Variants in PLCXD3 observed in about 807,000 individuals in gnomAD.
The protein encoded by PLCXD3 is PI-PLC X domain-containing protein 3.
PLCXD3 carries 19 observed loss-of-function variants against 25.5 expected under a neutral mutation model. The ratio of observed to expected loss-of-function variants is 0.75; its 90% CI spans 0.52 to 1.09. PLCXD3 has a LOEUF of 1.09. Ranked by LOEUF, PLCXD3 falls within the 50% of genes least tolerant of loss-of-function variation. The pLI is 0.00. For synonymous variants in PLCXD3, 174 were observed against 137.6 expected, an observed-to-expected ratio of 1.26 and a Z score of -1.85; for missense variants, 411 against 388.1, an observed-to-expected ratio of 1.06 and a Z score of -0.50.
chr5:41,341,748 A>G (rs1744154964), intron 2 of PLCXD3, among the ~76,000 whole-genome samples: 2 of 152,116 alleles, frequency 1.3e-5, no homozygotes, highest in South Asian at 2.1e-4. Flanking sequence ...TTATTTTTAC[A>G]TCTCTTGGAA....
At chr5:41,336,260 G>A (rs1490793977) in intron 2 of PLCXD3, among the ~76,000 whole-genome samples, 1 of 152,122 alleles carries the variant, frequency 6.6e-6, no homozygotes, top group Non-Finnish European at 1.5e-5. Flanking sequence ...GGATAAGAGT[G>A]AAGACTTTGG....
chr5:41,350,123 T>C (rs935913908), intron 2 of PLCXD3, among the ~76,000 whole-genome samples: 2 of 152,156 alleles, frequency 1.3e-5, no homozygotes, highest in African/African-American at 4.8e-5. Context: ...GACCATAATA[T>C]GCACACAGCT....
At chr5:41,450,024 GC>G (rs1033030487) in intron 1 of PLCXD3, among the ~76,000 whole-genome samples, 1 of 151,880 alleles carries the variant, frequency 6.6e-6, no homozygotes, top group African/African-American at 2.4e-5. Flanking sequence ...CAAGAGAACA[GC>G]AATACAGTAA....
At chr5:41,342,870 G>A (rs914006157) in intron 2 of PLCXD3, among the ~76,000 whole-genome samples, 1 of 152,020 alleles carries the variant, frequency 6.6e-6, no homozygotes, top group Non-Finnish European at 1.5e-5. Context: ...TATAAACAAT[G>A]ATGCCTCCTT....
chr5:41,378,179 A>G (rs1421292415), intron 2 of PLCXD3, among the ~76,000 whole-genome samples: 1 of 152,140 alleles, frequency 6.6e-6, no homozygotes, highest in Non-Finnish European at 1.5e-5. Context: ...TTTGCAAGGC[A>G]TGACCCCAGA....
chr5:41,382,896 T>G (rs1279051119), intron 1 of PLCXD3, among the ~76,000 whole-genome samples: 1 of 152,118 alleles, frequency 6.6e-6, no homozygotes, highest in African/African-American at 2.4e-5. Context: ...GACTCACCAA[T>G]ACCCAAATAC....
intron 1 of PLCXD3, among the ~76,000 whole-genome samples, chr5:41,416,500 A>C (rs1746698001): frequency 6.6e-6 from 1 of 152,178 alleles, no homozygotes; most frequent in Non-Finnish European, 1.5e-5. Context: ...CAGATCCCGG[A>C]ACTGTACTCA....
intron 1 of PLCXD3, among the ~76,000 whole-genome samples, chr5:41,390,571 T>C (rs1459719895): frequency 6.6e-6 from 1 of 152,308 alleles, no homozygotes; most frequent in East Asian, 1.9e-4. Context: ...TGGTATCTCA[T>C]AGTGGTTTTA....
chr5:41,490,608 C>T lies in PLCXD3; in HGVS notation c.103+19816G>A, dbSNP rs886751497. 3.2e-4 allele frequency among the ~76,000 whole-genome samples: 48 copies of T among 152,328 alleles called. 1 individual carries two copies. The highest frequency in any genetic ancestry group is 1.1e-3 in the African/African-American group (47 of 41,580). On this transcript the variant is annotated intron_variant, in intron 1 of 2. Transcript: ENST00000377801. The stretch of plus-strand genomic sequence containing the variant: ...AAGCTATTGATTATTGCCACAATTT[C>T]AGATCCTGTTATTGGTCTATTCAGA...
At chr5:41,328,408 C>T (rs1471544097) in intron 2 of PLCXD3, among the ~76,000 whole-genome samples, 1 of 152,084 alleles carries the variant, frequency 6.6e-6, no homozygotes, top group African/African-American at 2.4e-5. Flanking sequence ...ATTCCAAAGA[C>T]AGAAAAGAGG....
intron 1 of PLCXD3, among the ~76,000 whole-genome samples, chr5:41,411,961 T>G (rs1384403330): frequency 9.1e-5 from 2 of 21,948 alleles, no homozygotes; most frequent in Non-Finnish European, 1.5e-4. Context: ...TATGTATCCA[T>G]ATATATATAT....
At chr5:41,493,463 G>T (rs2150526416) in intron 1 of PLCXD3, among the ~76,000 whole-genome samples, 1 of 152,358 alleles carries the variant, frequency 6.6e-6, no homozygotes, top group Admixed American at 6.5e-5. Context: ...TCTCTTCAAA[G>T]CTGTCAGACA....
intron 1 of PLCXD3, among the ~76,000 whole-genome samples, chr5:41,474,301 A>T (rs867862951): frequency 1.3e-4 from 20 of 152,284 alleles, no homozygotes; most frequent in Middle Eastern, 6.8e-3. Flanking sequence ...GATGTACCTA[A>T]TCACAAGAAA....
chr5:41,457,690 T>C (rs948312034), intron 1 of PLCXD3, among the ~76,000 whole-genome samples: 1 of 151,934 alleles, frequency 6.6e-6, no homozygotes, highest in Non-Finnish European at 1.5e-5. Flanking sequence ...CCCTTTCACC[T>C]GCTTTGTTTT....
chr5:41,509,207 A>AG (rs1738969417), intron 1 of PLCXD3, among the ~76,000 whole-genome samples: 1 of 151,958 alleles, frequency 6.6e-6, no homozygotes, highest in South Asian at 2.1e-4. Flanking sequence ...AACAGCTGAG[A>AG]GGGGGCGCTG....
intron 1 of PLCXD3, among the ~76,000 whole-genome samples, chr5:41,410,145 T>C (rs1746474825): frequency 6.7e-6 from 1 of 149,024 alleles, no homozygotes. Flanking sequence ...ATTTATCTTT[T>C]TTTTTTTTTT....
In PLCXD3 at chr5:41,492,947, C is replaced by G. The variant is rs536463052; in HGVS notation, c.103+17477G>C. The stretch of plus-strand genomic sequence containing the variant: ...TCTCAACTCGTCAAAGTCATTCTCC[C>G]TCCAGCTTTGTTCCATTGCTGGTGA... On this transcript the variant is annotated intron_variant, in intron 1 of 2. Transcript: ENST00000377801. 2.0e-5 allele frequency among the ~76,000 whole-genome samples: 3 copies of G among 152,354 alleles called. No individual in the cohort carries two copies. The East Asian group carries it at 5.8e-4, about 29-fold the overall frequency.
chr5:41,413,574 C>A (rs1172966874), intron 1 of PLCXD3, among the ~76,000 whole-genome samples: 1 of 152,190 alleles, frequency 6.6e-6, no homozygotes, highest in African/African-American at 2.4e-5. Flanking sequence ...GCCAAAGAGA[C>A]TGTTATTCCA....
intron 1 of PLCXD3, among the ~76,000 whole-genome samples, chr5:41,462,945 C>T (rs1176609436): frequency 6.6e-6 from 1 of 151,912 alleles, no homozygotes; most frequent in Admixed American, 6.6e-5. Context: ...ACCAGCTAGA[C>T]TGATTTGAGT....
Sources: allele counts gnomAD v4.1 joint callset (sites outside exome capture counted in the v4.1 genomes callset), GRCh38; gene constraint gnomAD v4.1.1; transcripts MANE v1.5; gene names NCBI Gene and HGNC (gene_info 2026-07-23, HGNC 2026-07-21).